The following ADAM22 variants were observed in gnomAD, a reference collection of about 807,000 sequenced individuals.
The protein encoded by ADAM22 is ADAM metallopeptidase domain 22.
A neutral mutation model predicts 144.6 loss-of-function variants in ADAM22; 65 were observed. That is an observed-to-expected ratio of 0.45 (90% CI 0.37 to 0.55). The LOEUF (loss-of-function observed/expected upper bound fraction) is 0.55, where lower values mean the gene tolerates loss of function less well. Among genes scored for constraint, ADAM22 ranks in the 20% least tolerant of loss-of-function variants. The probability of loss-of-function intolerance (pLI) is 0.00; values close to 1 mark genes in which losing one functional copy is unlikely to be tolerated. For synonymous variants in ADAM22, 391 were observed against 412.6 expected (o/e 0.95, Z 0.63); for missense variants, 974 against 1,184.9 (o/e 0.82, Z 2.61).
chr7:88,049,659 A>C (rs962138732), intron 3 of ADAM22, among the ~76,000 whole-genome samples: 4 of 152,174 alleles, frequency 2.6e-5, no homozygotes, highest in South Asian at 2.1e-4. Flanking sequence ...GGCCTCCCAA[A>C]GTGCTGGGAT....
chr7:88,004,325 A>G (rs1033623490), intron 3 of ADAM22, among the ~76,000 whole-genome samples: 11 of 152,208 alleles, frequency 7.2e-5, no homozygotes, highest in Non-Finnish European at 1.3e-4. Context: ...CATCTTTTGG[A>G]CCATAGTTAG....
At chr7:87,957,669 C>T (rs1847105895) in intron 2 of ADAM22, among the ~76,000 whole-genome samples, 1 of 152,146 alleles carries the variant, frequency 6.6e-6, no homozygotes, top group Non-Finnish European at 1.5e-5. Flanking sequence ...CAGCCTCTGC[C>T]TCCAGGGTTC....
At chr7:87,960,411 T>C (rs1276544921) in intron 2 of ADAM22, among the ~76,000 whole-genome samples, 8 of 152,094 alleles carry the variant, frequency 5.3e-5, no homozygotes. Context: ...TGTGTGTGTG[T>C]GTAGAGTATT....
intron 10 of ADAM22, among the ~76,000 whole-genome samples, chr7:88,130,712 T>G (rs903555144): frequency 6.6e-6 from 1 of 152,156 alleles, no homozygotes; most frequent in African/African-American, 2.4e-5. Context: ...AAACAAAGGT[T>G]GTGTCATACC....
At chr7:88,111,356 C>T (rs1825990703) in intron 5 of ADAM22, among the ~76,000 whole-genome samples, 1 of 140,120 alleles carries the variant, frequency 7.1e-6, no homozygotes, top group Non-Finnish European at 1.5e-5. Flanking sequence ...TTATAAATTA[C>T]CAAGTGCGTA....
At chr7:88,024,981 T>A (rs767918748) in intron 3 of ADAM22, among the ~76,000 whole-genome samples, 4 of 152,298 alleles carry the variant, frequency 2.6e-5, no homozygotes, top group East Asian at 1.9e-4. Context: ...TTCCAATTCT[T>A]TGCTATTGTG....
intron 7 of ADAM22, among the ~76,000 whole-genome samples, chr7:88,118,655 C>A (rs13245443): frequency 3.4e-3 from 462 of 137,186 alleles, no homozygotes; most frequent in Middle Eastern, 7.5e-3. Flanking sequence ...ATCTATCTAT[C>A]TATATATATA....
intron 3 of ADAM22, among the ~76,000 whole-genome samples, chr7:88,072,529 G>C (rs1215869023): frequency 6.6e-6 from 1 of 152,112 alleles, no homozygotes; most frequent in African/African-American, 2.4e-5. Flanking sequence ...AGAGAGCAAG[G>C]GTCCCAAAGA....
intron 2 of ADAM22, among the ~76,000 whole-genome samples, chr7:87,942,591 G>A (rs1842691427): frequency 6.6e-6 from 1 of 152,148 alleles, no homozygotes; most frequent in African/African-American, 2.4e-5. Context: ...ACATTTTAAA[G>A]TTAGACAATA....
intron 3 of ADAM22, among the ~76,000 whole-genome samples, chr7:87,986,012 T>C (rs1227392379): frequency 6.6e-6 from 1 of 152,140 alleles, no homozygotes; most frequent in Non-Finnish European, 1.5e-5. Context: ...CAGTTTCATG[T>C]CTCCTGCAAG....
chr7:87,986,145 G>A (rs1212346036), intron 3 of ADAM22, among the ~76,000 whole-genome samples: 1 of 152,120 alleles, frequency 6.6e-6, no homozygotes, highest in African/African-American at 2.4e-5. Context: ...TCTACTATTG[G>A]TAGAATACCT....
chr7:87,964,703 CA>C, intron 2 of ADAM22: 1 of 377,974 alleles, frequency 2.6e-6, no homozygotes, highest in South Asian at 2.0e-5. Flanking sequence ...GTACCTATAA[CA>C]AAAATTTTCA....
intron 5 of ADAM22, among the ~76,000 whole-genome samples, chr7:88,109,903 A>T (rs1825569517): frequency 6.6e-6 from 1 of 152,166 alleles, no homozygotes; most frequent in Admixed American, 6.6e-5. Flanking sequence ...TCTAGGAAAG[A>T]GAGCTAATGG....
intron 3 of ADAM22, among the ~76,000 whole-genome samples, chr7:87,986,372 A>G (rs866110739): frequency 2.6e-5 from 4 of 152,186 alleles, no homozygotes; most frequent in Admixed American, 2.6e-4. Context: ...TGCAAAGTCC[A>G]GAGCAAAGGG....
chr7:87,961,997 G>C (rs1848093499), intron 2 of ADAM22, among the ~76,000 whole-genome samples: 1 of 152,176 alleles, frequency 6.6e-6, no homozygotes, highest in African/African-American at 2.4e-5. Flanking sequence ...ATTCTTCTCT[G>C]TCTGCCTTAT....
chr7:88,039,464 A>AAAAAAAATATATATATATATATATAT, intron 3 of ADAM22, among the ~76,000 whole-genome samples: 8 of 76,398 alleles, frequency 1.0e-4, no homozygotes, highest in African/African-American at 3.8e-4. Flanking sequence ...AAAAAAAAAA[A>AAAAAAAATATATATATATATATATAT]ATATATATAT....
At chr7:88,195,401 G>A (rs1424531018) in intron 31 of ADAM22, among the ~76,000 whole-genome samples, 1 of 152,192 alleles carries the variant, frequency 6.6e-6, no homozygotes, top group African/African-American at 2.4e-5. Flanking sequence ...AAGAGCTCAT[G>A]GCAAAAGCAA....
At chr7:88,056,108 A>C (rs1472911782) in intron 3 of ADAM22, among the ~76,000 whole-genome samples, 1 of 152,198 alleles carries the variant, frequency 6.6e-6, no homozygotes, top group Non-Finnish European at 1.5e-5. Flanking sequence ...TTGCAATTTT[A>C]AAAATGTTTA....
intron 2 of ADAM22, among the ~76,000 whole-genome samples, chr7:87,936,769 C>T (rs1230396625): frequency 6.6e-6 from 1 of 151,388 alleles, no homozygotes; most frequent in African/African-American, 2.4e-5. Context: ...ATCAAATATC[C>T]TGTTTTTCAA....
Sources: allele counts gnomAD v4.1 joint callset (sites outside exome capture counted in the v4.1 genomes callset), GRCh38; gene constraint gnomAD v4.1.1; transcripts MANE v1.5; gene names NCBI Gene and HGNC (gene_info 2026-07-23, HGNC 2026-07-21).